Variants in SORCS1 observed in about 807,000 individuals in gnomAD.
SORCS1 encodes VPS10 domain-containing receptor SorCS1.
Under a neutral mutation model 146.1 loss-of-function variants are expected in SORCS1, and 60 were observed. The ratio of observed to expected loss-of-function variants is 0.41; its 90% CI spans 0.33 to 0.51. The LOEUF (loss-of-function observed/expected upper bound fraction) is 0.51. Ranked by LOEUF, SORCS1 falls within the 20% of genes least tolerant of loss-of-function variation. The pLI, the probability that SORCS1 is intolerant of heterozygous loss-of-function variation, is 0.21. For missense variants in SORCS1, 1,352 were observed against 1,487.6 expected (o/e 0.91, Z 1.50); for synonymous variants, 637 against 584.0 (o/e 1.09, Z -1.31).
intron 5 of SORCS1, 105 bp downstream of exon 5, chr10:106,761,483 A>G (rs988896075): frequency 1.1e-6 from 1 of 937,226 alleles, no homozygotes; most frequent in Non-Finnish European, 1.7e-6. Context: ...ATAAGAACAG[A>G]CCTTATGTGA....
Position 106,880,502 on chromosome 10 carries a change from T to C in SORCS1, c.627-50829A>G, listed in dbSNP as rs1433315019. Among the ~76,000 whole-genome samples the C allele has an allele frequency of 3.0e-4, 45 of 152,164 alleles. 1 individual carries two copies. The highest frequency in any genetic ancestry group is 2.9e-3 in the Admixed American group (44 of 15,278). ...ATGAAGTGGGGAGAAGGATACAGTC[T>C]GTTAAAGATTCAGATTCATGGGTTT... is the stretch of plus-strand genomic sequence containing the variant. On this transcript the variant is annotated intron_variant, in intron 2 of 25. Transcript: ENST00000263054.
intron 1 of SORCS1, among the ~76,000 whole-genome samples, chr10:107,124,809 C>A (rs993820319): frequency 1.3e-5 from 2 of 152,062 alleles, no homozygotes; most frequent in Admixed American, 1.3e-4. Flanking sequence ...TTTCTCTTTA[C>A]AAAACTCACA....
chr10:106,947,141 C>G (rs547930016), intron 2 of SORCS1, among the ~76,000 whole-genome samples: 1 of 152,106 alleles, frequency 6.6e-6, no homozygotes, highest in African/African-American at 2.4e-5. Context: ...TTAAAAGTTA[C>G]GTATTGAAAA....
At chr10:107,175,387 T>C in the SORCS1 span, among the ~76,000 whole-genome samples, 2 of 152,124 alleles carry the variant, frequency 1.3e-5, no homozygotes, top group African/African-American at 4.8e-5. Context: ...GGATCTGGAG[T>C]TTACTTTATG....
chr10:107,131,056 T>C (rs1415808643), intron 1 of SORCS1, among the ~76,000 whole-genome samples: 3 of 152,256 alleles, frequency 2.0e-5, no homozygotes, highest in African/African-American at 7.2e-5. Context: ...GAATTTGAAC[T>C]CACTTTTCAA....
chr10:106,936,578 TA>T (rs1208875350), intron 2 of SORCS1, among the ~76,000 whole-genome samples: 1 of 152,222 alleles, frequency 6.6e-6, no homozygotes, highest in Non-Finnish European at 1.5e-5. Context: ...TTCCTTGCAA[TA>T]AGTCTATATG....
chr10:107,097,814 C>T (rs910361916), intron 1 of SORCS1, among the ~76,000 whole-genome samples: 2 of 152,136 alleles, frequency 1.3e-5, no homozygotes, highest in Non-Finnish European at 2.9e-5. Context: ...TAAATAGTCC[C>T]TTCATTAAGT....
chr10:106,635,608 T>A (rs929740254), intron 18 of SORCS1, among the ~76,000 whole-genome samples: 14 of 151,856 alleles, frequency 9.2e-5, no homozygotes, highest in African/African-American at 3.4e-4. Flanking sequence ...TTCTCCAAAT[T>A]TAAAAGGGGG....
chr10:107,072,825 C>T (rs759424395), intron 1 of SORCS1, among the ~76,000 whole-genome samples: 13 of 151,442 alleles, frequency 8.6e-5, no homozygotes, highest in Non-Finnish European at 1.9e-4. Flanking sequence ...GCATATCTGA[C>T]CTCCAACCCT....
intron 6 of SORCS1, among the ~76,000 whole-genome samples, chr10:106,719,430 T>G (rs1309602946): frequency 6.6e-6 from 1 of 151,772 alleles, no homozygotes; most frequent in Non-Finnish European, 1.5e-5. Context: ...TTTTTTTTTT[T>G]TTTGATGGAG....
intron 1 of SORCS1, among the ~76,000 whole-genome samples, chr10:107,015,509 A>G (rs541895796): frequency 1.3e-5 from 2 of 152,350 alleles, no homozygotes; most frequent in South Asian, 4.1e-4. Flanking sequence ...CAAAGGCTCA[A>G]AAGCAGAAAC....
chr10:106,628,164 T>C (rs1303527643), intron 19 of SORCS1, among the ~76,000 whole-genome samples: 1 of 152,186 alleles, frequency 6.6e-6, no homozygotes, highest in Non-Finnish European at 1.5e-5. Flanking sequence ...ACCTCTGCCA[T>C]GAGAGTACAG....
chr10:106,796,543 A>T (rs1004032307), intron 3 of SORCS1, among the ~76,000 whole-genome samples: 1 of 152,124 alleles, frequency 6.6e-6, no homozygotes, highest in Non-Finnish European at 1.5e-5. Flanking sequence ...TACTTCTTTG[A>T]GCTAAAATGT....
intron 2 of SORCS1, among the ~76,000 whole-genome samples, chr10:106,846,064 G>A (rs1482421332): frequency 5.3e-5 from 6 of 112,242 alleles, no homozygotes; most frequent in African/African-American, 8.3e-5. Context: ...TTGGCGATGC[G>A]GGCTCTTTTT....
chr10:107,133,436 G>C (rs951531062), intron 1 of SORCS1, among the ~76,000 whole-genome samples: 5 of 152,086 alleles, frequency 3.3e-5, no homozygotes, highest in Non-Finnish European at 5.9e-5. Context: ...CTGTGTTTCA[G>C]GAGGGAAGGG....
At chr10:106,792,375 C>T (rs773108546) in intron 3 of SORCS1, among the ~76,000 whole-genome samples, 3 of 152,152 alleles carry the variant, frequency 2.0e-5, no homozygotes, top group Admixed American at 6.6e-5. Context: ...GCTCATTGCA[C>T]AAAAAACTCA....
At chr10:106,901,348 A>G (rs1951691537) in intron 2 of SORCS1, among the ~76,000 whole-genome samples, 1 of 152,210 alleles carries the variant, frequency 6.6e-6, no homozygotes, top group Non-Finnish European at 1.5e-5. Flanking sequence ...TACGTAAGAG[A>G]CAGAAATTTA....
rs372404908 is a variant in SORCS1, at chr10:106,706,634, G to C, written c.1144C>G (p.Leu382Val). 4.3e-6 allele frequency: 7 copies of C among 1,613,966 alleles called. No individual in the cohort carries two copies. In the South Asian group the frequency reaches 7.7e-5, roughly 18 times the overall value. Residue 382 changes from leucine (L) to valine (V), a missense_variant and splice_region_variant, in exon 8 of 26, where the codon CTG becomes GTG. By Grantham distance (32) the Leu-to-Val change is conservative. This residue lies in a region of SORCS1 where 648 missense variants were observed against 793.8 expected (regional missense o/e 0.82). Transcript: ENST00000263054. ...TAATGTGGCCGCCCTCCTGATGTCA[G>C]CTGGATCATAAAAACAAGACTGTAA... ...IVQDHYVFVQ[L>V]TSGGRPHYYV...
At chr10:106,859,831 C>T (rs1208701965) in intron 2 of SORCS1, among the ~76,000 whole-genome samples, 2 of 152,156 alleles carry the variant, frequency 1.3e-5, no homozygotes, top group Non-Finnish European at 2.9e-5. Flanking sequence ...TGCGTTTGAT[C>T]TCGCTTACCA....
Sources: allele counts gnomAD v4.1 joint callset (sites outside exome capture counted in the v4.1 genomes callset), GRCh38; gene constraint gnomAD v4.1.1; regional missense constraint gnomAD v4.1.1; transcripts MANE v1.5; gene names NCBI Gene and HGNC (gene_info 2026-07-23, HGNC 2026-07-21).